PP2D1: variants seen among roughly 807,000 people sequenced by gnomAD.
PP2D1 encodes protein phosphatase 2C-like domain-containing protein 1.
PP2D1 carries 25 observed loss-of-function variants against 30.2 expected under a neutral mutation model. The ratio of observed to expected loss-of-function variants is 0.83; its 90% confidence interval spans 0.60 to 1.16. PP2D1 has a LOEUF of 1.16. PP2D1 is among the 50% of genes most tolerant of loss of function. The pLI is 0.00. For missense variants in PP2D1, 760 were observed against 742.4 expected (o/e 1.02, Z -0.28); for synonymous variants, 260 against 258.9 (o/e 1.00, Z -0.04).
intron 2 of PP2D1, among the ~76,000 whole-genome samples, chr3:19,993,995 G>T (rs1401302255): frequency 4.0e-5 from 6 of 151,556 alleles, no homozygotes; most frequent in African/African-American, 1.2e-4. Context: ...GCCTCCCAAA[G>T]TTCTGGGATT....
intron 2 of PP2D1, among the ~76,000 whole-genome samples, chr3:19,991,154 T>C (rs1697115032): frequency 6.6e-6 from 1 of 152,130 alleles, no homozygotes; most frequent in South Asian, 2.1e-4. Flanking sequence ...GGAACAATAA[T>C]CTTGGGGATT....
chr3:19,984,121 G>A (rs908074465), downstream of PP2D1: 3 of 410,818 alleles, frequency 7.3e-6, no homozygotes, highest in Non-Finnish European at 1.4e-5. Context: ...GACTGTCTGG[G>A]CCCACACAGT....
At chr3:19,983,191 C>G (rs1696964132), downstream of PP2D1, among the ~76,000 whole-genome samples, 2 of 151,638 alleles carry the variant, frequency 1.3e-5, no homozygotes, top group Non-Finnish European at 2.9e-5. Flanking sequence ...CAAAAATTAG[C>G]TGGGTGTGGT....
chr3:19,980,395 A>G (rs186457728), downstream of PP2D1, among the ~76,000 whole-genome samples: 25 of 151,824 alleles, frequency 1.6e-4, no homozygotes, highest in African/African-American at 4.6e-4. Context: ...AAGAAAATCT[A>G]TGTTGTAAAT....
intron 2 of PP2D1, among the ~76,000 whole-genome samples, chr3:19,998,285 G>A (rs1245189592): frequency 2.6e-5 from 4 of 151,664 alleles, no homozygotes; most frequent in South Asian, 2.1e-4. Context: ...AGCCAAGATC[G>A]CGCCACTGCA....
rs558454295 is a variant in PP2D1, at chr3:19,985,724, A to C, written c.1549T>G (p.Tyr517Asp). Residue 517 changes from tyrosine to aspartate, a missense_variant, in exon 3 of 3, where the codon TAT becomes GAT. Physicochemically the swap from Tyr to Asp is radical, Grantham distance 160. Around this residue, in one of 3 missense-constraint regions of PP2D1, gnomAD observed 369 missense variants for 316.2 expected, o/e 1.17. Transcript: ENST00000389050. ...ACACGTACTTCAGATACAGATTTAT[A>C]CTGAAACAATACGTGGATATTACTC... ...SQSNIHVLFQ[Y>D]KSVSEVRVST... is the part of the protein sequence containing the mutation. The C allele has an allele frequency of 2.2e-4, 331 of 1,535,914 alleles. 7 individuals are homozygous for C. The South Asian group carries it at 2.5e-3, about 11-fold the overall frequency.
In PP2D1 at chr3:19,989,917, T is replaced by C. The variant is rs796495271; in HGVS notation, c.1091-3735A>G. Among the ~76,000 whole-genome samples the C allele has an allele frequency of 1.4e-4, 21 of 152,310 alleles. 1 individual carries two copies. Among genetic ancestry groups the C allele is most frequent in the African/African-American group, 5.0e-4 (21 of 41,588 alleles). On this transcript the variant is annotated intron_variant, in intron 2 of 2. Transcript: ENST00000389050. ...AAAAGAATTTAATAGAAATATGTACTTACAATGGAAGGATGGTAAACAGGT... is the reference window on the plus strand; with the variant it reads ...AAAAGAATTTAATAGAAATATGTACCTACAATGGAAGGATGGTAAACAGGT...
chr3:19,983,846 AAT>A (rs745776613), downstream of PP2D1: 13 of 1,452,662 alleles, frequency 8.9e-6, no homozygotes, highest in Non-Finnish European at 1.2e-5. Context: ...AACTAGCTGG[AAT>A]AGTCTTCTGC....
downstream of PP2D1, among the ~76,000 whole-genome samples, chr3:19,983,482 C>T (rs1696972264): frequency 6.6e-6 from 1 of 151,972 alleles, no homozygotes; most frequent in Non-Finnish European, 1.5e-5. Context: ...ACAACCAGTC[C>T]CCATCTACCG....
At chr3:19,988,211 G>A (rs1350830687) in intron 2 of PP2D1, among the ~76,000 whole-genome samples, 1 of 152,198 alleles carries the variant, frequency 6.6e-6, no homozygotes, top group Non-Finnish European at 1.5e-5. Context: ...GCGGAACAGA[G>A]CCATATTTCT....
In PP2D1 at chr3:19,985,522, G is replaced by C. The variant is rs1697016054; in HGVS notation, c.1751C>G (p.Ser584Ter). The C allele has an allele frequency of 6.5e-7, 1 of 1,536,034 alleles. No individual in the cohort carries two copies. The highest frequency in any genetic ancestry group is 8.7e-7 in the Non-Finnish European group (1 of 1,146,862). ...VNDVATNEKE[S>*]DTKSFYEGAA... is the part of the protein sequence containing the mutation. Reference sequence around the variant, plus strand: ...GCCTTCATAGAAACTCTTAGTGTCTGATTCTTTTTCATTTGTTGCCACATC... The same window carrying C: ...GCCTTCATAGAAACTCTTAGTGTCTCATTCTTTTTCATTTGTTGCCACATC... The change falls in exon 3 of 3, where the codon TCA becomes TGA. Residue 584 changes from serine (S) to a stop codon, truncating the protein, a stop_gained. Transcript: ENST00000389050. LOFTEE classifies it low-confidence loss of function (END_TRUNC).
At chr3:19,995,854 A>G (rs2125141509) in intron 2 of PP2D1, among the ~76,000 whole-genome samples, 1 of 152,218 alleles carries the variant, frequency 6.6e-6, no homozygotes, top group East Asian at 1.9e-4. Context: ...ATTAAACAAC[A>G]TGCTCCTCAA....
intron 2 of PP2D1, among the ~76,000 whole-genome samples, chr3:19,995,656 C>A (rs971661487): frequency 6.6e-6 from 1 of 152,192 alleles, no homozygotes; most frequent in African/African-American, 2.4e-5. Context: ...TCAATTGAAA[C>A]CAACTCCAAA....
downstream of PP2D1, among the ~76,000 whole-genome samples, chr3:19,982,812 G>T (rs1444888748): frequency 6.6e-6 from 1 of 151,862 alleles, no homozygotes; most frequent in Non-Finnish European, 1.5e-5. Context: ...AAGGCCAAAG[G>T]CTGTGGAAGC....
At chr3:19,999,534 A>G (rs909139849) in intron 2 of PP2D1, among the ~76,000 whole-genome samples, 3 of 145,126 alleles carry the variant, frequency 2.1e-5, no homozygotes, top group Non-Finnish European at 4.5e-5. Context: ...GGCACCTGCC[A>G]CGCCTGGCTA....
chr3:19,984,514 A>G (rs1240331477), downstream of PP2D1: 1 of 188,478 alleles, frequency 5.3e-6, no homozygotes, highest in African/African-American at 2.4e-5. Flanking sequence ...TGTTCCTTTC[A>G]AACATGTGAG....
chr3:19,985,930 T>G lies in PP2D1; in HGVS notation c.1343A>C (p.Gln448Pro). Residue 448 changes from glutamine (Q) to proline (P), a missense_variant, in exon 3 of 3, where the codon CAA (glutamine) becomes CCA (proline). By Grantham distance (76) the Gln-to-Pro change is moderately conservative. Coordinates refer to ENST00000389050, the MANE Select transcript of PP2D1 (RefSeq NM_001252657.2). ...TCCATTAGTAGCTACAATAAGGAAT[T>G]GACATAGGTCATCTATAGGGACAGA... ...TISVPIDDLC[Q>P]FLIVATNGLW... 6.5e-7 allele frequency: 1 copy of G among 1,536,372 alleles called. No individual in the cohort carries two copies. The highest frequency in any genetic ancestry group is 8.7e-7 in the Non-Finnish European group (1 of 1,146,944).
downstream of PP2D1, among the ~76,000 whole-genome samples, chr3:19,981,308 T>C (rs1387759868): frequency 6.6e-6 from 1 of 152,122 alleles, no homozygotes; most frequent in Admixed American, 6.5e-5. Flanking sequence ...CCATCATAAA[T>C]TAAAAATATC....
chr3:20,012,249 G>C lies in PP2D1; in HGVS notation c.-177C>G. 1.6e-6 allele frequency: 1 copy of C among 610,892 alleles called. No individual in the cohort carries two copies. The highest frequency in any genetic ancestry group is 2.0e-5 in the South Asian group (1 of 49,738). 37.8% of individuals were successfully genotyped at this position (610,892 alleles called of 1,614,324 possible). ...GGCATTCCCCTCACTTGATGGTAGAGCTCCCTGTGTGGAATGTTCACTACA... is the reference window on the plus strand; with the variant it reads ...GGCATTCCCCTCACTTGATGGTAGACCTCCCTGTGTGGAATGTTCACTACA... On this transcript the variant is annotated 5_prime_UTR_variant, in exon 1 of 3. Coordinates refer to ENST00000389050, the MANE Select transcript of PP2D1 (RefSeq NM_001252657.2).
Sources: allele counts gnomAD v4.1 joint callset (sites outside exome capture counted in the v4.1 genomes callset), GRCh38; gene constraint gnomAD v4.1.1; regional missense constraint gnomAD v4.1.1; transcripts MANE v1.5; gene names NCBI Gene and HGNC (gene_info 2026-07-23, HGNC 2026-07-21).